The following NTM variants were observed in gnomAD, a reference collection of about 807,000 sequenced individuals.
NTM encodes the protein neurotrimin.
In NTM, 13 loss-of-function variants were observed where a neutral mutation model predicts 42.1. That is an observed-to-expected ratio of 0.31 (90% CI 0.20 to 0.49). The LOEUF is 0.49. NTM is among the 20% of genes least tolerant of loss of function. The pLI is 0.99. For synonymous variants in NTM, 187 were observed against 179.2 expected (o/e 1.04, Z -0.35); for missense variants, 373 against 452.8 (o/e 0.82, Z 1.60).
chr11:132,102,594 A>G (rs542642058), intron 2 of NTM, among the ~76,000 whole-genome samples: 16 of 152,312 alleles, frequency 1.1e-4, no homozygotes, highest in African/African-American at 3.8e-4. Context: ...ACCTTAAAGA[A>G]TTCAGGTGTT....
chr11:131,482,723 G>A (rs1315327923), intron 1 of NTM, among the ~76,000 whole-genome samples: 12 of 152,178 alleles, frequency 7.9e-5, no homozygotes, highest in Non-Finnish European at 1.8e-4. Flanking sequence ...CTAATCTTCT[G>A]TGATAAGCTT....
chr11:132,088,348 A>G (rs1414317018), intron 2 of NTM, among the ~76,000 whole-genome samples: 1 of 151,990 alleles, frequency 6.6e-6, no homozygotes, highest in Admixed American at 6.6e-5. Context: ...CATTTTACTT[A>G]CCCTTCCTCA....
At chr11:132,104,690 G>A (rs1379827147) in intron 2 of NTM, among the ~76,000 whole-genome samples, 1 of 150,302 alleles carries the variant, frequency 6.7e-6, no homozygotes, top group Non-Finnish European at 1.5e-5. Flanking sequence ...AGGGAGGATT[G>A]TATGAGACCG....
chr11:132,311,342 G>GT (rs2095274148), intron 6 of NTM, among the ~76,000 whole-genome samples: 1 of 151,882 alleles, frequency 6.6e-6, no homozygotes, highest in African/African-American at 2.4e-5. Flanking sequence ...GCAGTGTTTT[G>GT]TTTTTTTAAA....
intron 3 of NTM, among the ~76,000 whole-genome samples, chr11:132,198,127 T>C: frequency 6.6e-6 from 1 of 152,158 alleles, no homozygotes; most frequent in Middle Eastern, 3.2e-3. Context: ...AGTGTAAAAG[T>C]ATTGTTATTA....
intron 1 of NTM, among the ~76,000 whole-genome samples, chr11:131,641,778 G>T (rs1286827474): frequency 1.3e-5 from 2 of 150,326 alleles, no homozygotes; most frequent in Non-Finnish European, 2.9e-5. Context: ...CCAGGCTGGA[G>T]TGCAGTAGCA....
chr11:132,058,275 T>C lies in NTM; in HGVS notation c.168-88007T>C, dbSNP rs564280308. Among the ~76,000 whole-genome samples, 7 of 152,276 alleles carry C rather than the reference T, an allele frequency of 4.6e-5. No individual in the cohort carries two copies. In the South Asian group the frequency reaches 1.2e-3, roughly 27 times the overall value. ...TGGGCGGGAGGTGCTGCTGCTGGAATGTGTGCTGGTTTCGGTAAAAATGGG... is the reference window on the plus strand; with the variant it reads ...TGGGCGGGAGGTGCTGCTGCTGGAACGTGTGCTGGTTTCGGTAAAAATGGG... On this transcript the variant is annotated intron_variant, in intron 2 of 8. Transcript: ENST00000683400.
At chr11:131,882,147 T>A (rs2049629892) in intron 1 of NTM, among the ~76,000 whole-genome samples, 1 of 151,906 alleles carries the variant, frequency 6.6e-6, no homozygotes, top group African/African-American at 2.4e-5. Context: ...AGAATCAGAG[T>A]TGGTAATCAA....
At chr11:131,911,365 C>T in intron 1 of NTM, 199 bp from the exon 2 acceptor site, 1 of 1,542,026 alleles carries the variant, frequency 6.5e-7, no homozygotes, top group Non-Finnish European at 8.8e-7. Flanking sequence ...CTCCCGGTCG[C>T]CGCGGGTTCA....
intron 7 of NTM, among the ~76,000 whole-genome samples, chr11:132,320,872 AC>A (rs1240615847): frequency 3.4e-4 from 51 of 151,242 alleles, no homozygotes; most frequent in Non-Finnish European, 6.6e-4. Context: ...CTGACCCCTG[AC>A]CCCCGAGCAG....
intron 1 of NTM, among the ~76,000 whole-genome samples, chr11:131,525,583 A>G (rs2050358887): frequency 1.3e-5 from 2 of 152,192 alleles, no homozygotes; most frequent in Admixed American, 1.3e-4. Flanking sequence ...ACATTCACAG[A>G]CTGGTGTCAG....
At chr11:132,069,044 T>A (rs2056955464) in intron 2 of NTM, among the ~76,000 whole-genome samples, 1 of 152,108 alleles carries the variant, frequency 6.6e-6, no homozygotes, top group African/African-American at 2.4e-5. Flanking sequence ...AGTTAACATG[T>A]CAAACTGACC....
At chr11:131,786,893 T>C (rs1430844198) in intron 1 of NTM, among the ~76,000 whole-genome samples, 1 of 152,188 alleles carries the variant, frequency 6.6e-6, no homozygotes, top group African/African-American at 2.4e-5. Flanking sequence ...GCACTGAAAA[T>C]AGGCTTAACT....
chr11:132,080,514 C>T (rs1249184407), intron 2 of NTM, among the ~76,000 whole-genome samples: 1 of 152,236 alleles, frequency 6.6e-6, no homozygotes. Context: ...ACTTTGGCTA[C>T]TACTGGGCAC....
intron 1 of NTM, among the ~76,000 whole-genome samples, chr11:131,499,348 T>C (rs2046439206): frequency 6.6e-6 from 1 of 152,126 alleles, no homozygotes; most frequent in South Asian, 2.1e-4. Flanking sequence ...TGATGACTCC[T>C]TCATAGAGTG....
At chr11:132,217,380 G>GTGTGTGTGTGTA (rs1280105953) in intron 4 of NTM, among the ~76,000 whole-genome samples, 1 of 151,562 alleles carries the variant, frequency 6.6e-6, no homozygotes, top group African/African-American at 2.4e-5. Context: ...GTGTGTGTGT[G>GTGTGTGTGTGTA]TGTGTGTGTG....
At chr11:132,061,827 A>G (rs929004565) in intron 2 of NTM, among the ~76,000 whole-genome samples, 1 of 152,074 alleles carries the variant, frequency 6.6e-6, no homozygotes, top group African/African-American at 2.4e-5. Context: ...ATTATTCTGT[A>G]TGTCACCAAG....
At chr11:131,419,137 C>A (rs1328785565) in intron 1 of NTM, among the ~76,000 whole-genome samples, 2 of 144,742 alleles carry the variant, frequency 1.4e-5, no homozygotes, top group Admixed American at 7.3e-5. Flanking sequence ...TGAGTTGAAG[C>A]TAAGTATACC....
At chr11:132,325,991 G>A (rs1179022154) in intron 7 of NTM, among the ~76,000 whole-genome samples, 1 of 151,680 alleles carries the variant, frequency 6.6e-6, no homozygotes, top group Admixed American at 6.6e-5. Context: ...CACAGGAAGG[G>A]GAACATCACA....
Sources: gnomAD v4.1 joint callset for allele counts (sites outside exome capture counted in the v4.1 genomes callset) on GRCh38, gnomAD v4.1.1 for gene constraint, MANE v1.5 for transcripts, NCBI Gene and HGNC (gene_info 2026-07-23, HGNC 2026-07-21) for gene names.